The following NTRK3 variants were observed in gnomAD, a reference collection of about 807,000 sequenced individuals.
NTRK3 encodes NT-3 growth factor receptor.
Under a neutral mutation model 91.7 loss-of-function variants are expected in NTRK3, and 24 were observed. The ratio of observed to expected loss-of-function variants is 0.26; its 90% CI spans 0.19 to 0.37. The LOEUF is 0.37. Among genes scored for constraint, NTRK3 ranks in the 10% least tolerant of loss-of-function variants. The probability of loss-of-function intolerance (pLI) is 1.00; values close to 1 mark genes in which losing one functional copy is unlikely to be tolerated. For missense variants in NTRK3, 880 were observed against 1,068.9 expected (o/e 0.82, Z 2.46); for synonymous variants, 483 against 404.0 (o/e 1.20, Z -2.34).
chr15:88,059,619 G>C (rs2046027810), intron 13 of NTRK3, among the ~76,000 whole-genome samples: 1 of 152,148 alleles, frequency 6.6e-6, no homozygotes, highest in Non-Finnish European at 1.5e-5. Context: ...CTGCCGGGAA[G>C]TTTGCACCAT....
chr15:88,071,554 T>C (rs1328468928), intron 13 of NTRK3, among the ~76,000 whole-genome samples: 2 of 152,218 alleles, frequency 1.3e-5, no homozygotes, highest in Admixed American at 6.5e-5. Context: ...GGAACAGATA[T>C]TTATTGTGCA....
chr15:88,124,051 G>C (rs1053395091), intron 13 of NTRK3, among the ~76,000 whole-genome samples: 3 of 152,202 alleles, frequency 2.0e-5, no homozygotes, highest in African/African-American at 7.2e-5. Flanking sequence ...CGGATGGTTG[G>C]GGGGCTTAGA....
At chr15:88,093,131 C>T (rs2049198113) in intron 13 of NTRK3, among the ~76,000 whole-genome samples, 1 of 150,102 alleles carries the variant, frequency 6.7e-6, no homozygotes, top group Non-Finnish European at 1.5e-5. Flanking sequence ...AAGGTAAAAC[C>T]AAGTGTCATT....
At chr15:87,966,139 CCT>C (rs2072774770) in intron 14 of NTRK3, among the ~76,000 whole-genome samples, 1 of 152,100 alleles carries the variant, frequency 6.6e-6, no homozygotes, top group African/African-American at 2.4e-5. Flanking sequence ...AGGTGTCTTT[CCT>C]CTATGTTTAC....
intron 3 of NTRK3, among the ~76,000 whole-genome samples, chr15:88,223,681 A>G (rs2050431935): frequency 6.6e-6 from 1 of 152,136 alleles, no homozygotes; most frequent in African/African-American, 2.4e-5. Flanking sequence ...GTTTCCTTAT[A>G]TATGTAATGG....
At position 88,234,786 on chromosome 15, in the gene NTRK3, A is replaced by G. The variant is rs1014904339; in HGVS notation, c.248+21120T>C. On this transcript the variant is annotated intron_variant, in intron 3 of 18. Coordinates refer to ENST00000394480, the Ensembl canonical transcript of NTRK3. The surrounding 1 kb of genome is among the most constrained non-coding windows in gnomAD (Gnocchi z 6.1). ...GACTTCCTATTTTGCTAGGACTAAA[A>G]TCTAACCCCTTCCCACAGCCTGCAT... Among the ~76,000 whole-genome samples, 3 of 152,098 alleles carry G rather than the reference A, an allele frequency of 2.0e-5. No homozygotes were observed. Among genetic ancestry groups the G allele is most frequent in the African/African-American group, 7.2e-5 (3 of 41,422 alleles).
chr15:87,995,312 G>A (rs1260825808), intron 14 of NTRK3, among the ~76,000 whole-genome samples: 1 of 152,158 alleles, frequency 6.6e-6, no homozygotes, highest in Non-Finnish European at 1.5e-5. Flanking sequence ...AGAACCTCAA[G>A]GAATAAAAGC....
intron 14 of NTRK3, among the ~76,000 whole-genome samples, chr15:87,987,805 C>A (rs992391789): frequency 6.6e-6 from 1 of 151,640 alleles, no homozygotes; most frequent in African/African-American, 2.4e-5. Flanking sequence ...AAAAGTACTA[C>A]GTTTAGGGCT....
chr15:88,007,672 C>G (rs566717388), intron 14 of NTRK3, among the ~76,000 whole-genome samples: 6 of 152,270 alleles, frequency 3.9e-5, no homozygotes, highest in African/African-American at 1.4e-4. Flanking sequence ...AAGCCTGTTT[C>G]CAGGCATGTG....
rs60620542 is a variant in NTRK3 at position 88,212,700 on chromosome 15, T to TCACA, written c.249-28405_249-28402dup. On this transcript the variant is annotated intron_variant, in intron 3 of 18. Coordinates refer to ENST00000394480, the Ensembl canonical transcript of NTRK3. Reference sequence around the variant, plus strand: ...CATGGAAGCTGTTTTGGCTGCTGCATCACACACACACACACACACACACAC... The same window carrying TCACA: ...CATGGAAGCTGTTTTGGCTGCTGCATCACACACACACACACACACACACACACAC... 5.9e-3 allele frequency among the ~76,000 whole-genome samples: 860 copies of TCACA among 145,986 alleles called. 7 individuals carry two copies. The highest frequency in any genetic ancestry group is 0.015 in the Admixed American group (225 of 14,700).
intron 14 of NTRK3, among the ~76,000 whole-genome samples, chr15:88,030,602 T>G (rs1318497340): frequency 6.6e-6 from 1 of 152,200 alleles, no homozygotes; most frequent in African/African-American, 2.4e-5. Context: ...TCACAGATTC[T>G]GTATTTGGGA....
chr15:88,183,140 G>T (rs2046658650), intron 5 of NTRK3, among the ~76,000 whole-genome samples: 1 of 151,522 alleles, frequency 6.6e-6, no homozygotes, highest in African/African-American at 2.4e-5. Context: ...CCATAAAATT[G>T]CAAGTTTCAT....
At position 88,233,300 on chromosome 15, in the gene NTRK3, C is replaced by G. The variant is rs528944964; in HGVS notation, c.248+22606G>C. On this transcript the variant is annotated intron_variant, in intron 3 of 18. Coordinates refer to ENST00000394480, the Ensembl canonical transcript of NTRK3. The surrounding 1 kb of genome is among the most constrained non-coding windows in gnomAD (Gnocchi z 4.2). ...TGCAGAGATATTATAATGCAGATCA[C>G]TTGTGAAACACCTCTGGCTTCACAC... Among the ~76,000 whole-genome samples the G allele has an allele frequency of 6.6e-6, 1 of 152,266 alleles. No homozygotes were observed. Among genetic ancestry groups the G allele is most frequent in the Admixed American group, 6.5e-5 (1 of 15,304 alleles).
chr15:88,121,067 A>G (rs1195762152), intron 13 of NTRK3, among the ~76,000 whole-genome samples: 1 of 151,336 alleles, frequency 6.6e-6, no homozygotes, highest in African/African-American at 2.4e-5. Flanking sequence ...GAGGTGGTCA[A>G]GAGGAAAAGA....
At chr15:87,990,000 T>C (rs2075161612) in intron 14 of NTRK3, among the ~76,000 whole-genome samples, 1 of 152,192 alleles carries the variant, frequency 6.6e-6, no homozygotes, top group African/African-American at 2.4e-5. Flanking sequence ...TTCTCACTCA[T>C]ATTGTCTAAT....
chr15:88,167,080 A>G (rs1219959173), intron 5 of NTRK3, among the ~76,000 whole-genome samples: 1 of 152,174 alleles, frequency 6.6e-6, no homozygotes, highest in Non-Finnish European at 1.5e-5. Flanking sequence ...CCTGCATTGA[A>G]CAAGGCCCTT....
At chr15:87,964,851 A>G (rs1323724684) in intron 14 of NTRK3, among the ~76,000 whole-genome samples, 1 of 152,204 alleles carries the variant, frequency 6.6e-6, no homozygotes, top group Non-Finnish European at 1.5e-5. Flanking sequence ...AATCCATTCT[A>G]TGGTTACACC....
intron 6 of NTRK3, among the ~76,000 whole-genome samples, chr15:88,139,110 C>A (rs1031382049): frequency 5.3e-5 from 8 of 152,186 alleles, no homozygotes; most frequent in Non-Finnish European, 1.0e-4. Context: ...CAGTCCCTGT[C>A]CTCCAGGAGC....
At chr15:88,000,597 T>A (rs145286678) in intron 14 of NTRK3, among the ~76,000 whole-genome samples, 20 of 152,336 alleles carry the variant, frequency 1.3e-4, no homozygotes, top group African/African-American at 4.8e-4. Context: ...ATCATAGAAA[T>A]TGAATCATTA....
Sources: gnomAD v4.1 joint callset for allele counts (sites outside exome capture counted in the v4.1 genomes callset) on GRCh38, gnomAD v4.1.1 for gene constraint, Gnocchi (gnomAD v3.1) non-coding constraint, MANE v1.5 for transcripts, NCBI Gene and HGNC (gene_info 2026-07-23, HGNC 2026-07-21) for gene names.